The following RABGAP1L variants were observed in gnomAD, a reference collection of about 807,000 sequenced individuals.
RABGAP1L encodes the protein RAB GTPase activating protein 1 like, also known as rab GTPase-activating protein 1-like.
Under a neutral mutation model 137.7 loss-of-function variants are expected in RABGAP1L, and 63 were observed. That is an observed-to-expected ratio of 0.46 (90% CI 0.37 to 0.56). RABGAP1L has a LOEUF of 0.56. RABGAP1L is among the 20% of genes least tolerant of loss of function. RABGAP1L has a pLI of 0.00. For synonymous variants in RABGAP1L, 431 were observed against 433.7 expected, an observed-to-expected ratio of 0.99 and a Z score of 0.08; for missense variants, 1,095 against 1,244.0, an observed-to-expected ratio of 0.88 and a Z score of 1.80.
At chr1:174,716,270 A>C (rs1190312469) in intron 17 of RABGAP1L, among the ~76,000 whole-genome samples, 1 of 152,180 alleles carries the variant, frequency 6.6e-6, no homozygotes, top group Non-Finnish European at 1.5e-5. Context: ...ATTTAGTAGT[A>C]GTAGTATTTT....
chr1:174,182,376 T>G (rs1441534371), intron 1 of RABGAP1L, among the ~76,000 whole-genome samples: 1 of 152,248 alleles, frequency 6.6e-6, no homozygotes, highest in Admixed American at 6.5e-5. Context: ...GTAAAATTTC[T>G]AAGTCGAAAT....
intron 19 of RABGAP1L, among the ~76,000 whole-genome samples, chr1:174,873,113 G>T (rs982677613): frequency 2.6e-5 from 4 of 152,136 alleles, no homozygotes; most frequent in African/African-American, 9.7e-5. Flanking sequence ...CTGTCGCCCA[G>T]GCTGGAGTGC....
At chr1:174,296,125 A>C (rs1677108733) in intron 10 of RABGAP1L, among the ~76,000 whole-genome samples, 1 of 152,294 alleles carries the variant, frequency 6.6e-6, no homozygotes, top group Admixed American at 6.5e-5. Context: ...GCAAGAGAGG[A>C]AATAGTTTCC....
chr1:174,819,262 TA>T (rs1176360374), intron 19 of RABGAP1L, among the ~76,000 whole-genome samples: 1 of 137,076 alleles, frequency 7.3e-6, no homozygotes, highest in Non-Finnish European at 1.5e-5. Context: ...GAGAGATGAG[TA>T]AGTACAAGAG....
chr1:174,328,861 T>C (rs1325625254), intron 11 of RABGAP1L, among the ~76,000 whole-genome samples: 1 of 151,942 alleles, frequency 6.6e-6, no homozygotes, highest in Admixed American at 6.6e-5. Context: ...GAGGGAAGTA[T>C]ACAGTAATAA....
At chr1:174,176,572 C>T (rs1191403845) in intron 1 of RABGAP1L, among the ~76,000 whole-genome samples, 1 of 151,518 alleles carries the variant, frequency 6.6e-6, no homozygotes, top group Non-Finnish European at 1.5e-5. Flanking sequence ...CTTAGCCAGG[C>T]ATGGTGGCAC....
intron 19 of RABGAP1L, among the ~76,000 whole-genome samples, chr1:174,942,037 C>T (rs900302937): frequency 6.6e-6 from 1 of 152,120 alleles, no homozygotes; most frequent in Admixed American, 6.5e-5. Flanking sequence ...GGAACAGATC[C>T]AGCTTTGGGT....
Position 174,683,616 on chromosome 1 carries a change from A to G in RABGAP1L, c.1899+20A>G. On this transcript the variant is annotated intron_variant, in intron 15 of 25. Transcript: ENST00000681986. ...CTGCATGTAAGTAATGGTCCGTGTG[A>G]TAAATAGCACAGTGCTGCCAAGTTT... 1.3e-6 allele frequency: 2 copies of G among 1,573,760 alleles called. No homozygotes were observed. The highest frequency in any genetic ancestry group is 4.5e-5 in the East Asian group (2 of 44,602).
intron 14 of RABGAP1L, among the ~76,000 whole-genome samples, chr1:174,662,732 C>T (rs1297471266): frequency 6.6e-6 from 1 of 152,164 alleles, no homozygotes; most frequent in Non-Finnish European, 1.5e-5. Context: ...CATCTCCATG[C>T]ATATTTTTGT....
chr1:174,797,813 C>T (rs889796051), intron 18 of RABGAP1L, among the ~76,000 whole-genome samples: 6 of 151,908 alleles, frequency 3.9e-5, no homozygotes, highest in African/African-American at 1.5e-4. Flanking sequence ...TCCAGCTGAA[C>T]CTATCCTCAT....
chr1:174,409,185 A>G (rs12095629), intron 13 of RABGAP1L, among the ~76,000 whole-genome samples: 53,548 of 152,076 alleles, frequency 0.35, 12,080 homozygotes, highest in African/African-American at 0.64. Context: ...CTGCGGCAGA[A>G]GAACATAAAT....
At chr1:174,570,602 C>T (rs1406961692) in intron 13 of RABGAP1L, among the ~76,000 whole-genome samples, 7 of 151,890 alleles carry the variant, frequency 4.6e-5, no homozygotes, top group African/African-American at 1.2e-4. Context: ...TTAATCATAC[C>T]CCCAATCTCA....
intron 13 of RABGAP1L, among the ~76,000 whole-genome samples, chr1:174,417,258 A>G (rs1356943440): frequency 2.6e-5 from 4 of 152,166 alleles, no homozygotes; most frequent in Admixed American, 6.5e-5. Flanking sequence ...TATGAAGCCA[A>G]TTTGAATTGT....
At chr1:174,853,759 G>A (rs1185461642) in intron 19 of RABGAP1L, among the ~76,000 whole-genome samples, 1 of 151,998 alleles carries the variant, frequency 6.6e-6, no homozygotes, top group Non-Finnish European at 1.5e-5. Flanking sequence ...AAACAAAAAG[G>A]CTAGCTTTGT....
At chr1:174,710,259 ACTT>A (rs1238899421) in intron 17 of RABGAP1L, among the ~76,000 whole-genome samples, 14 of 152,184 alleles carry the variant, frequency 9.2e-5, no homozygotes, top group Admixed American at 8.5e-4. Context: ...ATCCAGGAGA[ACTT>A]CTCCAACCTA....
At chr1:174,377,678 G>A (rs1685669274) in intron 12 of RABGAP1L, among the ~76,000 whole-genome samples, 1 of 151,346 alleles carries the variant, frequency 6.6e-6, no homozygotes, top group African/African-American at 2.4e-5. Context: ...CCACTACGAT[G>A]TCAATCATTA....
intron 5 of RABGAP1L, chr1:174,244,576 A>G (rs572215921): frequency 5.3e-5 from 8 of 152,346 alleles, no homozygotes; most frequent in Admixed American, 6.5e-5. Context: ...GTAGATTTCA[A>G]TAATCTATGG....
chr1:174,730,199 A>G (rs1166871294), intron 17 of RABGAP1L, among the ~76,000 whole-genome samples: 1 of 152,198 alleles, frequency 6.6e-6, no homozygotes, highest in African/African-American at 2.4e-5. Context: ...AATTAATACG[A>G]GAACAGAAAG....
intron 19 of RABGAP1L, among the ~76,000 whole-genome samples, chr1:174,902,127 A>G (rs776084908): frequency 6.6e-5 from 10 of 152,138 alleles, no homozygotes; most frequent in Non-Finnish European, 1.2e-4. Flanking sequence ...GTGGCTGAAG[A>G]CCCACATTGG....
Sources: allele counts gnomAD v4.1 joint callset (sites outside exome capture counted in the v4.1 genomes callset), GRCh38; gene constraint gnomAD v4.1.1; transcripts MANE v1.5; gene names NCBI Gene and HGNC (gene_info 2026-07-23, HGNC 2026-07-21).